Variants in SHOC2 observed in about 807,000 individuals in gnomAD.
SHOC2 encodes the protein leucine-rich repeat protein SHOC-2.
In SHOC2, 4 loss-of-function variants were observed where a neutral mutation model predicts 50.2. The observed-to-expected ratio is 0.08, with a 90% confidence interval of 0.04 to 0.18. SHOC2 has a LOEUF of 0.18. Ranked by LOEUF, SHOC2 falls within the 10% of genes least tolerant of loss-of-function variation. SHOC2 has a pLI of 1.00. For synonymous variants in SHOC2, 218 were observed against 244.5 expected (o/e 0.89, Z 1.01); for missense variants, 388 against 669.6 (o/e 0.58, Z 4.64).
At chr10:110,929,373 G>A (rs1436592623) in intron 1 of SHOC2, among the ~76,000 whole-genome samples, 2 of 151,968 alleles carry the variant, frequency 1.3e-5, no homozygotes, top group East Asian at 1.9e-4. Context: ...AAATTACTAC[G>A]TGATTTACAT....
chr10:110,989,110 C>T (rs1003751772), intron 3 of SHOC2: 2 of 466,138 alleles, frequency 4.3e-6, no homozygotes, highest in Admixed American at 5.8e-5. Context: ...CCTGATAGGA[C>T]TTGAATTCTT....
At chr10:110,933,337 C>G (rs538121586) in intron 1 of SHOC2, among the ~76,000 whole-genome samples, 38 of 151,992 alleles carry the variant, frequency 2.5e-4, no homozygotes, top group African/African-American at 6.3e-4. Flanking sequence ...ACTTTATGTT[C>G]TTCTAGACTT....
At chr10:110,942,322 A>C (rs1766017056) in intron 1 of SHOC2, among the ~76,000 whole-genome samples, 2 of 152,126 alleles carry the variant, frequency 1.3e-5, no homozygotes, top group Non-Finnish European at 2.9e-5. Context: ...TAACTTTATC[A>C]CTGGCAACAA....
At position 110,974,867 on chromosome 10, in the gene SHOC2, A is replaced by G. The variant is rs1248845704; in HGVS notation, c.703+9806A>G. Among the ~76,000 whole-genome samples, 3 of 152,336 alleles carry G rather than the reference A, an allele frequency of 2.0e-5. No homozygotes were observed. The East Asian group carries it at 5.8e-4, about 29-fold the overall frequency. The stretch of plus-strand genomic sequence containing the variant: ...ATTATCATAAGTCCCATAATAATAC[A>G]TTGATACTATTTTGCTTTAAGGTTT... On this transcript the variant is annotated intron_variant, in intron 2 of 8. Coordinates refer to ENST00000369452, the MANE Select transcript of SHOC2 (RefSeq NM_007373.4).
intron 4 of SHOC2, among the ~76,000 whole-genome samples, chr10:111,001,019 A>G (rs2134169226): frequency 6.6e-6 from 1 of 152,070 alleles, no homozygotes; most frequent in South Asian, 2.1e-4. Context: ...TGTTTATGCA[A>G]TAATATTAAG....
At chr10:110,962,816 G>A (rs970370366) in intron 1 of SHOC2, among the ~76,000 whole-genome samples, 2 of 152,140 alleles carry the variant, frequency 1.3e-5, no homozygotes, top group Admixed American at 1.3e-4. Flanking sequence ...CCTAAGTCCT[G>A]TATGCTTTTC....
intron 4 of SHOC2, among the ~76,000 whole-genome samples, chr10:111,004,323 GT>G (rs1281078355): frequency 6.6e-6 from 1 of 152,162 alleles, no homozygotes; most frequent in Non-Finnish European, 1.5e-5. Flanking sequence ...TCCATACAGT[GT>G]TTTAAATAAA....
At chr10:110,975,390 C>T (rs988372011) in intron 2 of SHOC2, among the ~76,000 whole-genome samples, 1 of 152,178 alleles carries the variant, frequency 6.6e-6, no homozygotes, top group Non-Finnish European at 1.5e-5. Context: ...GATCTGCCTG[C>T]CTCGGCCTCC....
intron 3 of SHOC2, among the ~76,000 whole-genome samples, chr10:110,998,695 C>T (rs1030428832): frequency 5.3e-5 from 8 of 152,108 alleles, no homozygotes; most frequent in African/African-American, 1.9e-4. Context: ...GTGGTGGTTA[C>T]ATTTTTCTGC....
chr10:110,924,164 T>C (rs987064746), intron 1 of SHOC2, among the ~76,000 whole-genome samples: 1 of 152,244 alleles, frequency 6.6e-6, no homozygotes, highest in South Asian at 2.1e-4. Context: ...ACCAATGTCA[T>C]GGAACTTCTG....
At chr10:111,002,223 A>G (rs994253333) in intron 4 of SHOC2, among the ~76,000 whole-genome samples, 1 of 152,190 alleles carries the variant, frequency 6.6e-6, no homozygotes, top group Admixed American at 6.5e-5. Context: ...GAAAGTATGA[A>G]GTCATAATTT....
intron 1 of SHOC2, among the ~76,000 whole-genome samples, chr10:110,957,650 C>G (rs926313923): frequency 3.3e-5 from 5 of 151,914 alleles, no homozygotes; most frequent in Non-Finnish European, 5.9e-5. Context: ...CCTTACCAGC[C>G]CAAACTGTAC....
intron 2 of SHOC2, among the ~76,000 whole-genome samples, chr10:110,973,339 GAAAC>G (rs1847817906): frequency 6.6e-6 from 1 of 152,076 alleles, no homozygotes; most frequent in Non-Finnish European, 1.5e-5. Context: ...TTATAACCGT[GAAAC>G]AAACCTAAAT....
At chr10:110,991,391 C>G (rs923498290) in intron 3 of SHOC2, among the ~76,000 whole-genome samples, 3 of 152,046 alleles carry the variant, frequency 2.0e-5, no homozygotes, top group Middle Eastern at 3.2e-3. Flanking sequence ...TATGCCTCAC[C>G]TCTAGCTTAT....
chr10:110,987,486 AT>A (rs1235308453), intron 3 of SHOC2, among the ~76,000 whole-genome samples: 3 of 152,160 alleles, frequency 2.0e-5, no homozygotes, highest in Admixed American at 6.5e-5. Flanking sequence ...GTGGAAAGAG[AT>A]TACATATTCT....
chr10:110,924,875 G>T (rs1262104072), intron 1 of SHOC2, among the ~76,000 whole-genome samples: 1 of 151,872 alleles, frequency 6.6e-6, no homozygotes, highest in African/African-American at 2.4e-5. Context: ...TTTGAGACCA[G>T]CCTGGCCAAT....
chr10:110,922,335 A>G (rs542816590), intron 1 of SHOC2, among the ~76,000 whole-genome samples: 31 of 152,116 alleles, frequency 2.0e-4, no homozygotes, highest in Non-Finnish European at 3.8e-4. Flanking sequence ...GGATGGGTGA[A>G]TAAACTTGAA....
chr10:110,969,812 AAT>A (rs1481565736), intron 2 of SHOC2, among the ~76,000 whole-genome samples: 1 of 152,166 alleles, frequency 6.6e-6, no homozygotes, highest in African/African-American at 2.4e-5. Flanking sequence ...AAAATTATCT[AAT>A]ATATTAAAGT....
chr10:110,953,061 T>C (rs1337263658), intron 1 of SHOC2, among the ~76,000 whole-genome samples: 1 of 152,258 alleles, frequency 6.6e-6, no homozygotes, highest in East Asian at 1.9e-4. Context: ...GAATGATTTA[T>C]ACTCCTTTGG....
Sources: gnomAD v4.1 joint callset for allele counts (sites outside exome capture counted in the v4.1 genomes callset) on GRCh38, gnomAD v4.1.1 for gene constraint, MANE v1.5 for transcripts, NCBI Gene and HGNC (gene_info 2026-07-23, HGNC 2026-07-21) for gene names.